ASB15: variants seen among roughly 807,000 people sequenced by gnomAD.
ASB15 encodes the protein ankyrin repeat and SOCS box containing 15.
ASB15 carries 54 observed loss-of-function variants against 58.0 expected under a neutral mutation model. The ratio of observed to expected loss-of-function variants is 0.93; its 90% CI spans 0.75 to 1.17. The LOEUF is 1.17. Ranked by LOEUF, ASB15 falls within the 50% of genes most tolerant of loss-of-function variation. The pLI is 0.00. For missense variants in ASB15, 680 were observed against 707.4 expected (o/e 0.96, Z 0.44); for synonymous variants, 249 against 262.4 (o/e 0.95, Z 0.50).
At chr7:123,580,069 C>T (rs937359182) in intron 1 of ASB15, among the ~76,000 whole-genome samples, 1 of 151,688 alleles carries the variant, frequency 6.6e-6, no homozygotes, top group African/African-American at 2.4e-5. Context: ...AAGAGATTGG[C>T]GGGATTAGAA....
chr7:123,586,320 T>C (rs1799372406), intron 1 of ASB15, among the ~76,000 whole-genome samples: 1 of 151,870 alleles, frequency 6.6e-6, no homozygotes, highest in Non-Finnish European at 1.5e-5. Context: ...TGCATTTCCC[T>C]AAGGATTAAT....
At chr7:123,574,944 AT>A (rs1799022665) in intron 1 of ASB15, among the ~76,000 whole-genome samples, 1 of 142,068 alleles carries the variant, frequency 7.0e-6, no homozygotes, top group South Asian at 2.2e-4. Context: ...TTTAAGACAC[AT>A]AGGGGAGAAA....
chr7:123,585,474 G>A (rs559846210), intron 1 of ASB15, among the ~76,000 whole-genome samples: 4 of 151,742 alleles, frequency 2.6e-5, no homozygotes, highest in African/African-American at 7.2e-5. Flanking sequence ...TCTTACTTAC[G>A]TTTATGCTTT....
chr7:123,582,059 T>C (rs958428559), intron 1 of ASB15, among the ~76,000 whole-genome samples: 2 of 152,022 alleles, frequency 1.3e-5, no homozygotes, highest in Admixed American at 1.3e-4. Context: ...AAAATCTCCA[T>C]CTATATTGTA....
At chr7:123,592,883 C>G (rs1177419573) in intron 1 of ASB15, among the ~76,000 whole-genome samples, 1 of 151,684 alleles carries the variant, frequency 6.6e-6, no homozygotes, top group Admixed American at 6.6e-5. Context: ...TAAAGTCTTC[C>G]ATTATTATTG....
At chr7:123,573,484 T>A (rs528360274) in intron 1 of ASB15, among the ~76,000 whole-genome samples, 177 of 152,260 alleles carry the variant, frequency 1.2e-3, no homozygotes, top group Non-Finnish European at 1.9e-3. Flanking sequence ...ACCACGGTTC[T>A]AGTCCTCAAG....
intron 1 of ASB15, among the ~76,000 whole-genome samples, chr7:123,573,756 A>G (rs968152250): frequency 1.3e-5 from 2 of 152,160 alleles, no homozygotes; most frequent in African/African-American, 4.8e-5. Flanking sequence ...TCAAATTTCT[A>G]GACTACTTTA....
At chr7:123,627,708 T>C (rs374670490) in intron 9 of ASB15, among the ~76,000 whole-genome samples, 119 of 152,350 alleles carry the variant, frequency 7.8e-4, no homozygotes, top group African/African-American at 2.8e-3. Context: ...TATAGTATAA[T>C]GTCAAATGTA....
intron 1 of ASB15, among the ~76,000 whole-genome samples, chr7:123,570,029 CTTT>C (rs5887142): frequency 0.015 from 1,365 of 88,226 alleles, 17 homozygotes; most frequent in African/African-American, 0.055. Context: ...ACTGCCATAG[CTTT>C]TTTTTTTTTT....
intron 1 of ASB15, among the ~76,000 whole-genome samples, chr7:123,583,789 A>AG (rs1799302029): frequency 6.6e-6 from 1 of 151,936 alleles, no homozygotes; most frequent in Non-Finnish European, 1.5e-5. Context: ...AGCAAAGTAG[A>AG]GGGGGGACAA....
At chr7:123,595,425 T>TTATTCTTTGTGAAAGTTC (rs1231976790) in intron 1 of ASB15, among the ~76,000 whole-genome samples, 1 of 152,200 alleles carries the variant, frequency 6.6e-6, no homozygotes, top group Non-Finnish European at 1.5e-5. Flanking sequence ...CTGTGTCGGG[T>TTATTCTTTGTGAAAGTTC]TATTCTTTGT....
intron 3 of ASB15, chr7:123,609,076 C>T (rs1172063392): frequency 1.3e-5 from 2 of 151,820 alleles, no homozygotes; most frequent in East Asian, 1.9e-4. Context: ...GCTCAACACT[C>T]GAGAATCATT....
intron 1 of ASB15, among the ~76,000 whole-genome samples, chr7:123,582,032 T>A (rs576493797): frequency 1.3e-5 from 2 of 152,024 alleles, no homozygotes; most frequent in Non-Finnish European, 2.9e-5. Context: ...ATAGAGAACA[T>A]CTTTTATTAA....
chr7:123,586,368 A>C (rs1387810391), intron 1 of ASB15, among the ~76,000 whole-genome samples: 1 of 151,786 alleles, frequency 6.6e-6, no homozygotes, highest in Non-Finnish European at 1.5e-5. Context: ...GGACACTTGT[A>C]TATCTTCTTT....
chr7:123,572,360 C>T (rs1002845254), intron 1 of ASB15, among the ~76,000 whole-genome samples: 2 of 151,350 alleles, frequency 1.3e-5, no homozygotes, highest in African/African-American at 2.4e-5. Flanking sequence ...AGGACGGTCT[C>T]GATCTCTTGA....
intron 11 of ASB15, among the ~76,000 whole-genome samples, chr7:123,632,849 C>T (rs1003929582): frequency 6.6e-6 from 1 of 151,946 alleles, no homozygotes; most frequent in African/African-American, 2.4e-5. Context: ...ATACTATATC[C>T]TTTGGGCACA....
chr7:123,614,240 A>G (rs1326463863), intron 3 of ASB15: 1 of 171,846 alleles, frequency 5.8e-6, no homozygotes, highest in East Asian at 1.3e-4. Context: ...GTCATTACTG[A>G]AAAAAAAAAA....
At chr7:123,588,878 CA>C (rs1338665630) in intron 1 of ASB15, among the ~76,000 whole-genome samples, 2 of 151,610 alleles carry the variant, frequency 1.3e-5, no homozygotes, top group East Asian at 3.9e-4. Flanking sequence ...TTAATTTTCC[CA>C]TTTTTTTTCT....
chr7:123,604,123 C>G lies in ASB15; in HGVS notation c.-153C>G, dbSNP rs1450811343. The G allele has an allele frequency of 6.6e-6, 1 of 152,162 alleles. No homozygotes were observed. Among genetic ancestry groups the G allele is most frequent in the Non-Finnish European group, 1.5e-5 (1 of 68,086 alleles). 9.4% of individuals were successfully genotyped at this position (152,162 alleles called of 1,614,324 possible). Reference sequence around the variant, plus strand: ...AAGAAAAAGCTCAGTGGAGATCTGACAGCCTTCCTGGGGGATATTAACAGG... The same window carrying G: ...AAGAAAAAGCTCAGTGGAGATCTGAGAGCCTTCCTGGGGGATATTAACAGG... On this transcript the variant is annotated 5_prime_UTR_variant, in exon 2 of 12. Transcript: ENST00000451215.
Sources: gnomAD v4.1 joint callset for allele counts (sites outside exome capture counted in the v4.1 genomes callset) on GRCh38, gnomAD v4.1.1 for gene constraint, MANE v1.5 for transcripts, NCBI Gene and HGNC (gene_info 2026-07-23, HGNC 2026-07-21) for gene names.